The following KCNQ1OT1 variants were observed in gnomAD, a reference collection of about 807,000 sequenced individuals.
KCNQ1OT1 encodes the protein KCNQ1 opposite strand/antisense transcript 1.
rs530267185 is a variant in KCNQ1OT1 at position 2,617,634 on chromosome 11, C to T, written n.82361G>A. 9.3e-5 allele frequency: 37 copies of T among 398,400 alleles called. 1 individual carries two copies. The highest frequency in any genetic ancestry group is 7.4e-4 in the African/African-American group (36 of 48,702). The allele number at this position is 398,400 out of a possible 1,614,324, so 24.7% of individuals were successfully genotyped here. On this transcript the variant is annotated non_coding_transcript_exon_variant, in exon 1 of 1. Coordinates refer to ENST00000597346, the Ensembl canonical transcript of KCNQ1OT1. The surrounding 1 kb of genome is among the most constrained non-coding windows in gnomAD (Gnocchi z 4.6). ...ATATTTTCAATTTCTTTAGGAGCCA[C>T]CATTCTGTTTTTCATTATGACTGCA... is the stretch of plus-strand genomic sequence containing the variant.
chr11:2,608,658 C>A lies in KCNQ1OT1; in HGVS notation n.91337G>T. The A allele has an allele frequency of 2.5e-6, 1 of 398,530 alleles. No individual in the cohort carries two copies. Among genetic ancestry groups the A allele is most frequent in the East Asian group, 3.6e-5 (1 of 28,068 alleles). 24.7% of individuals were successfully genotyped at this position (398,530 alleles called of 1,614,324 possible). A position where few individuals can be genotyped will look rare whatever the true frequency, so the allele number is the denominator to read the frequency against. On this transcript the variant is annotated non_coding_transcript_exon_variant, in exon 1 of 1. Coordinates refer to ENST00000597346, the Ensembl canonical transcript of KCNQ1OT1. This position sits in a 1 kb window ranked among gnomAD's most constrained non-coding sequence, Gnocchi z 4.6. The stretch of plus-strand genomic sequence containing the variant: ...AAAAAATATTTTGTAGAGATAGGGT[C>A]TTGCTTTGTTGTGCATGCTATTCTT...
exon 1 of KCNQ1OT1, chr11:2,694,096 A>G: frequency 2.5e-6 from 1 of 398,676 alleles, no homozygotes; most frequent in Non-Finnish European, 4.4e-6. Flanking sequence ...TCTGGGTGGC[A>G]GCCCATAGGT....
exon 1 of KCNQ1OT1, chr11:2,633,763 A>G (rs1849403284): frequency 5.0e-6 from 2 of 398,510 alleles, no homozygotes; most frequent in Non-Finnish European, 8.8e-6. Flanking sequence ...TTTGGTTACC[A>G]TTGTTTTGTA....
chr11:2,651,985 T>C lies in KCNQ1OT1; in HGVS notation n.48010A>G. ...GGAGCCAAGCTGAGTTGATTACTTTTGACATCAGTTGTTAACATAATTTTG... is the reference window on the plus strand; with the variant it reads ...GGAGCCAAGCTGAGTTGATTACTTTCGACATCAGTTGTTAACATAATTTTG... On this transcript the variant is annotated non_coding_transcript_exon_variant, in exon 1 of 1. Transcript: ENST00000597346. The surrounding 1 kb of genome is among the most constrained non-coding windows in gnomAD (Gnocchi z 6.1). 2.5e-6 allele frequency: 1 copy of C among 398,696 alleles called. No individual in the cohort carries two copies. Among genetic ancestry groups the C allele is most frequent in the East Asian group, 3.6e-5 (1 of 28,078 alleles). 24.7% of individuals were successfully genotyped at this position (398,696 alleles called of 1,614,324 possible).
exon 1 of KCNQ1OT1, chr11:2,696,904 A>T (rs180994362): frequency 4.0e-5 from 16 of 398,464 alleles, no homozygotes; most frequent in Admixed American, 8.8e-5. Context: ...TGTTTTGAGT[A>T]CACTGATCTT....
At chr11:2,646,747 C>T (rs1245573105) in exon 1 of KCNQ1OT1, 7 of 398,468 alleles carry the variant, frequency 1.8e-5, no homozygotes, top group Non-Finnish European at 2.7e-5. Context: ...AACTCCTGGG[C>T]TCAAGCAATC....
In KCNQ1OT1 at chr11:2,699,060, T is replaced by A. The variant is rs147765220; in HGVS notation, n.935A>T. The A allele has an allele frequency of 4.3e-4, 170 of 398,498 alleles. No individual in the cohort carries two copies. The highest frequency in any genetic ancestry group is 2.9e-3 in the African/African-American group (143 of 48,678). The allele number at this position is 398,498 out of a possible 1,614,324, so 24.7% of individuals were successfully genotyped here. ...CTCCGGTCCCAATTCGGGCTTTGAC[T>A]CAAAACCACAACATGGATTCCCAAC... On this transcript the variant is annotated non_coding_transcript_exon_variant, in exon 1 of 1. Transcript: ENST00000597346.
At chr11:2,632,092 A>G (rs913875577) in exon 1 of KCNQ1OT1, 3 of 393,574 alleles carry the variant, frequency 7.6e-6, no homozygotes, top group African/African-American at 6.3e-5. Context: ...CTGAAGCAGG[A>G]GAATGGCGTG....
chr11:2,685,589 G>T (rs1399218630), exon 1 of KCNQ1OT1: 4 of 398,584 alleles, frequency 1.0e-5, no homozygotes, highest in Non-Finnish European at 1.8e-5. Context: ...GCACATGACA[G>T]GAAGCTAGGA....
At chr11:2,614,227 C>T (rs1849024726) in exon 1 of KCNQ1OT1, 3 of 398,548 alleles carry the variant, frequency 7.5e-6, no homozygotes, top group Non-Finnish European at 1.3e-5. Flanking sequence ...GCAAGAGCCT[C>T]CACTATAGCT....
At chr11:2,619,640 C>T (rs535150276) in exon 1 of KCNQ1OT1, 2 of 396,804 alleles carry the variant, frequency 5.0e-6, no homozygotes, top group South Asian at 2.6e-4. Context: ...TCTTGTGATG[C>T]CTTTGGCTCA....
chr11:2,624,971 G>T lies in KCNQ1OT1; in HGVS notation n.75024C>A. 2.5e-6 allele frequency: 1 copy of T among 398,252 alleles called. No individual in the cohort carries two copies. The highest frequency in any genetic ancestry group is 4.4e-6 in the Non-Finnish European group (1 of 226,016). 24.7% of individuals were successfully genotyped at this position (398,252 alleles called of 1,614,324 possible). On this transcript the variant is annotated non_coding_transcript_exon_variant, in exon 1 of 1. Transcript: ENST00000597346. This position sits in a 1 kb window ranked among gnomAD's most constrained non-coding sequence, Gnocchi z 4.9. ...ACATTGTATGTATATACCACATTTT[G>T]CTTATCCATTCTTCCATGGACATTT... is the stretch of plus-strand genomic sequence containing the variant.
exon 1 of KCNQ1OT1, chr11:2,615,091 T>C (rs1259519931): frequency 1.8e-5 from 7 of 398,220 alleles, no homozygotes; most frequent in Non-Finnish European, 3.1e-5. Flanking sequence ...TTGTAGTCTT[T>C]AGTGCAGAAG....
rs1024528450 is a variant in KCNQ1OT1 at position 2,677,394 on chromosome 11, G to A, written n.22601C>T. 51 of 398,570 alleles carry A rather than the reference G, an allele frequency of 1.3e-4. No homozygotes were observed. The highest frequency in any genetic ancestry group is 7.8e-4 in the East Asian group (22 of 28,070). The allele number at this position is 398,570 out of a possible 1,614,324, so 24.7% of individuals were successfully genotyped here. A position where few individuals can be genotyped will look rare whatever the true frequency, so the allele number is the denominator to read the frequency against. ...ATCAGTTGAAGAGGAAACCAAGATC[G>A]ATGCCTAGATAAGCATTTCAGAGGA... On this transcript the variant is annotated non_coding_transcript_exon_variant, in exon 1 of 1. Transcript: ENST00000597346. This position sits in a 1 kb window ranked among gnomAD's most constrained non-coding sequence, Gnocchi z 4.5.
chr11:2,662,583 A>G, exon 1 of KCNQ1OT1: 1 of 419,486 alleles, frequency 2.4e-6, no homozygotes, highest in Non-Finnish European at 4.2e-6. Context: ...CCTGGGATGC[A>G]TGCCCGTCCT....
exon 1 of KCNQ1OT1, chr11:2,650,742 C>T (rs971607044): frequency 5.0e-6 from 2 of 398,618 alleles, no homozygotes; most frequent in Non-Finnish European, 4.4e-6. Context: ...GAATTTGGCT[C>T]ACTTTGCTAC....
rs999708858 is a variant in KCNQ1OT1, at chr11:2,613,549, A to G, written n.86446T>C. 11 of 398,396 alleles carry G rather than the reference A, an allele frequency of 2.8e-5. No individual in the cohort carries two copies. The highest frequency in any genetic ancestry group is 2.3e-4 in the African/African-American group (11 of 48,602). 24.7% of individuals were successfully genotyped at this position (398,396 alleles called of 1,614,324 possible). ...CCCCACGTTAAATCATAACCCTGCT[A>G]TTCTTAGGAAGGCTTAATATTTTTT... is the stretch of plus-strand genomic sequence containing the variant. On this transcript the variant is annotated non_coding_transcript_exon_variant, in exon 1 of 1. Transcript: ENST00000597346. The surrounding 1 kb of genome is among the most constrained non-coding windows in gnomAD (Gnocchi z 4.8).
exon 1 of KCNQ1OT1, chr11:2,693,265 A>G: frequency 5.0e-6 from 2 of 398,738 alleles, no homozygotes; most frequent in Non-Finnish European, 4.4e-6. Context: ...ACCAGGCTTA[A>G]CAACTCAGAT....
chr11:2,615,991 T>C (rs1849056975), exon 1 of KCNQ1OT1: 2 of 398,096 alleles, frequency 5.0e-6, no homozygotes, highest in South Asian at 2.5e-4. Flanking sequence ...CTGTGTAGCA[T>C]TTTCTTCATT....
Sources: allele counts gnomAD v4.1 joint callset, GRCh38; gene constraint gnomAD v4.1.1; non-coding constraint Gnocchi (gnomAD v3.1); transcripts MANE v1.5; gene names NCBI Gene and HGNC (gene_info 2026-07-23, HGNC 2026-07-21).